Variants in ARHGEF10 observed in about 807,000 individuals in gnomAD.
The protein encoded by ARHGEF10 is Rho guanine nucleotide exchange factor (GEF) 10.
In ARHGEF10, 140 loss-of-function variants were observed where a neutral mutation model predicts 147.4. That is an observed-to-expected ratio of 0.95 (90% confidence interval 0.83 to 1.09). ARHGEF10 has a LOEUF of 1.09. Ranked by LOEUF, ARHGEF10 falls within the 50% of genes least tolerant of loss-of-function variation. ARHGEF10 has a pLI of 0.00. For missense variants in ARHGEF10, 2,222 were observed against 1,752.7 expected (o/e 1.27, Z -4.78); for synonymous variants, 902 against 695.8 (o/e 1.30, Z -4.67).
At chr8:1,920,401 C>A (rs917973305) in intron 18 of ARHGEF10, among the ~76,000 whole-genome samples, 3 of 151,072 alleles carry the variant, frequency 2.0e-5, no homozygotes, top group African/African-American at 4.9e-5. Flanking sequence ...TAGCTCACTG[C>A]AGCCTTGACT....
At chr8:1,867,320 C>T (rs191038469) in intron 6 of ARHGEF10, among the ~76,000 whole-genome samples, 1 of 152,284 alleles carries the variant, frequency 6.6e-6, no homozygotes, top group East Asian at 1.9e-4. Context: ...ACAGACTAGA[C>T]ATGTATTTTG....
intron 7 of ARHGEF10, among the ~76,000 whole-genome samples, chr8:1,875,357 C>A (rs1184960282): frequency 6.6e-6 from 1 of 152,074 alleles, no homozygotes; most frequent in Non-Finnish European, 1.5e-5. Flanking sequence ...ATGGTAGAGG[C>A]TGTAGACCCT....
intron 1 of ARHGEF10, among the ~76,000 whole-genome samples, chr8:1,836,604 G>T (rs546138093): frequency 1.2e-4 from 18 of 152,286 alleles, no homozygotes; most frequent in Admixed American, 9.8e-4. Flanking sequence ...GCAGGTCGGA[G>T]TTGGGGGAGC....
In ARHGEF10 at chr8:1,957,073, A is replaced by C; in HGVS notation, c.3845A>C (p.Tyr1282Ser). Reference sequence around the variant, plus strand: ...CACAGATCAGAGGACAGCACCATCTATGATCTCCTGAAGGATCCTGTCTCG... The same window carrying C: ...CACAGATCAGAGGACAGCACCATCTCTGATCTCCTGAAGGATCCTGTCTCG... ...LEHRSEDSTI[Y>S]DLLKDPVSLR... Residue 1282 changes from tyrosine to serine, a missense_variant, in exon 29 of 29, where the codon TAT becomes TCT. By Grantham distance (144) the Tyr-to-Ser change is moderately radical (BLOSUM62 -2). Transcript: ENST00000349830. 6.2e-7 allele frequency: 1 copy of C among 1,613,650 alleles called. No homozygotes were observed. The highest frequency in any genetic ancestry group is 8.5e-7 in the Non-Finnish European group (1 of 1,180,006).
In ARHGEF10 at chr8:1,858,089, G is replaced by A. The variant is rs1374095120; in HGVS notation, c.167G>A (p.Gly56Glu). Residue 56 changes from glycine (G) to glutamate (E), a missense_variant, in exon 3 of 29, where the codon GGA (glycine) becomes GAA (glutamate). Transcript: ENST00000349830. The part of the protein sequence containing the change: ...APSAPETGGA[G>E]ASEAPAPTGG... ...TCCGCCCCTGAGACAGGAGGTGCTG[G>A]AGCCAGTGAAGCCCCTGCACCCACA... The A allele has an allele frequency of 1.3e-6, 2 of 1,595,634 alleles. No homozygotes were observed. The highest frequency in any genetic ancestry group is 1.7e-6 in the Non-Finnish European group (2 of 1,171,672).
intron 7 of ARHGEF10, among the ~76,000 whole-genome samples, chr8:1,874,773 C>T (rs1178040148): frequency 1.3e-5 from 2 of 149,758 alleles, no homozygotes; most frequent in African/African-American, 5.0e-5. Flanking sequence ...TGGAGACACA[C>T]ACCAGGGCGT....
At chr8:1,884,682 A>G (rs1436965468) in intron 10 of ARHGEF10, among the ~76,000 whole-genome samples, 1 of 152,170 alleles carries the variant, frequency 6.6e-6, no homozygotes, top group Non-Finnish European at 1.5e-5. Context: ...TCTATCATCT[A>G]AAAGTGCCTG....
At chr8:1,946,571 A>T (rs1294552254) in intron 27 of ARHGEF10, among the ~76,000 whole-genome samples, 1 of 152,194 alleles carries the variant, frequency 6.6e-6, no homozygotes, top group Admixed American at 6.5e-5. Context: ...TAATCCCATC[A>T]TGGGGACCCT....
chr8:1,932,479 A>G (rs1813232158), intron 25 of ARHGEF10, among the ~76,000 whole-genome samples: 1 of 151,206 alleles, frequency 6.6e-6, no homozygotes, highest in South Asian at 2.1e-4. Flanking sequence ...TGTGTGTGAC[A>G]TGTGCACGTG....
In ARHGEF10 at chr8:1,940,704, C is replaced by T. The variant is rs189728484; in HGVS notation, c.3223-4777C>T. Among the ~76,000 whole-genome samples the T allele has an allele frequency of 4.6e-5, 7 of 152,294 alleles. No individual in the cohort carries two copies. In the South Asian group the frequency reaches 6.2e-4, roughly 14 times the overall value. On this transcript the variant is annotated intron_variant, in intron 26 of 28. Transcript: ENST00000349830. ...CACAGACCGGTATCCACTGTGAGCA[C>T]GGATGCAAAAATCCTCAACGGAAGA...
chr8:1,881,715 G>A (rs904919517), intron 9 of ARHGEF10, among the ~76,000 whole-genome samples: 2 of 152,192 alleles, frequency 1.3e-5, no homozygotes, highest in African/African-American at 4.8e-5. Flanking sequence ...AGGCAGACAC[G>A]GCCAGGGCTA....
chr8:1,838,443 G>A (rs1165921796), intron 1 of ARHGEF10, among the ~76,000 whole-genome samples: 1 of 152,230 alleles, frequency 6.6e-6, no homozygotes, highest in Non-Finnish European at 1.5e-5. Context: ...CCCGGCACCC[G>A]CCCAGCCTGG....
At chr8:1,874,013 T>C (rs964101658) in intron 7 of ARHGEF10, among the ~76,000 whole-genome samples, 1 of 152,210 alleles carries the variant, frequency 6.6e-6, no homozygotes, top group Admixed American at 6.5e-5. Flanking sequence ...AACGACAAGA[T>C]TGTCATCGAG....
At chr8:1,904,647 G>C (rs1810737620) in intron 16 of ARHGEF10, among the ~76,000 whole-genome samples, 1 of 152,220 alleles carries the variant, frequency 6.6e-6, no homozygotes, top group South Asian at 2.1e-4. Context: ...AGGAAGAGGG[G>C]ATGATGCTTC....
chr8:1,924,254 C>CA (rs1482065664), intron 21 of ARHGEF10, among the ~76,000 whole-genome samples: 1 of 152,086 alleles, frequency 6.6e-6, no homozygotes, highest in Non-Finnish European at 1.5e-5. Context: ...TTCTGCTCAC[C>CA]CCTCACTGAG....
At position 1,958,027 on chromosome 8, in the gene ARHGEF10, C is replaced by G. The variant is rs747545887; in HGVS notation, c.*764C>G. Reference sequence around the variant, plus strand: ...CTCAAGCATCAACACCAAATTATTCCTCCCTTCTCGTATAAATAGAGTGAC... The same window carrying G: ...CTCAAGCATCAACACCAAATTATTCGTCCCTTCTCGTATAAATAGAGTGAC... On this transcript the variant is annotated 3_prime_UTR_variant, in exon 29 of 29. Coordinates refer to ENST00000349830, the MANE Select transcript of ARHGEF10 (RefSeq NM_014629.4). 6.6e-6 allele frequency: 1 copy of G among 152,210 alleles called. No individual in the cohort carries two copies. The highest frequency in any genetic ancestry group is 1.5e-5 in the Non-Finnish European group (1 of 68,048). 9.4% of individuals were successfully genotyped at this position (152,210 alleles called of 1,614,324 possible). A position where few individuals can be genotyped will look rare whatever the true frequency, so the allele number is the denominator to read the frequency against.
At position 1,950,458 on chromosome 8, in the gene ARHGEF10, G is replaced by A. The variant is rs1419224993; in HGVS notation, c.3398-2247G>A. Among the ~76,000 whole-genome samples, 4 of 152,272 alleles carry A rather than the reference G, an allele frequency of 2.6e-5. No homozygotes were observed. The East Asian group carries it at 7.7e-4, about 29-fold the overall frequency. ...AACTTAACTCTTTTACGTCGTTCCTGGGTACTTTGAAACCAGTTAAAAACA... is the reference window on the plus strand; with the variant it reads ...AACTTAACTCTTTTACGTCGTTCCTAGGTACTTTGAAACCAGTTAAAAACA... On this transcript the variant is annotated intron_variant, in intron 27 of 28. Transcript: ENST00000349830.
intron 26 of ARHGEF10, among the ~76,000 whole-genome samples, chr8:1,939,527 G>A (rs890229419): frequency 2.7e-4 from 41 of 152,232 alleles, no homozygotes; most frequent in African/African-American, 9.6e-4. Context: ...GCATCCCACG[G>A]TTACTACGAG....
chr8:1,894,617 A>C, intron 13 of ARHGEF10, 45 bp downstream of exon 13: 16 of 1,599,236 alleles, frequency 1.0e-5, no homozygotes, highest in Non-Finnish European at 1.3e-5. Flanking sequence ...CTCTCCATGC[A>C]CCTGTCCTCT....
Sources: allele counts gnomAD v4.1 joint callset (sites outside exome capture counted in the v4.1 genomes callset), GRCh38; gene constraint gnomAD v4.1.1; transcripts MANE v1.5; gene names NCBI Gene and HGNC (gene_info 2026-07-23, HGNC 2026-07-21).